Variants in TASP1 observed in about 807,000 individuals in gnomAD.
TASP1 encodes taspase 1, also known as threonine aspartase 1.
In TASP1, 16 loss-of-function variants were observed where a neutral mutation model predicts 56.6. The ratio of observed to expected loss-of-function variants is 0.28; its 90% CI spans 0.19 to 0.43. The LOEUF is 0.43. Among genes scored for constraint, TASP1 ranks in the 20% least tolerant of loss-of-function variants. TASP1 has a pLI of 1.00. For synonymous variants in TASP1, 179 were observed against 184.2 expected (o/e 0.97, Z 0.23); for missense variants, 393 against 511.6 (o/e 0.77, Z 2.24).
chr20:13,488,922 T>C (rs2043422308), intron 10 of TASP1, among the ~76,000 whole-genome samples: 1 of 152,092 alleles, frequency 6.6e-6, no homozygotes, highest in Admixed American at 6.6e-5. Context: ...TCAACTTACA[T>C]CCATCCCCTT....
intron 10 of TASP1, among the ~76,000 whole-genome samples, chr20:13,512,175 C>T (rs2044355743): frequency 6.6e-6 from 1 of 152,144 alleles, no homozygotes; most frequent in Admixed American, 6.5e-5. Flanking sequence ...CCTGAGGAAT[C>T]GCCACACTGT....
At chr20:13,161,298 G>T in the TASP1 span, among the ~76,000 whole-genome samples, 1 of 152,168 alleles carries the variant, frequency 6.6e-6, no homozygotes, top group Non-Finnish European at 1.5e-5. Context: ...TGGGGGAATA[G>T]AATGAGCTCA....
the TASP1 span, among the ~76,000 whole-genome samples, chr20:13,149,396 C>T: frequency 1.3e-5 from 2 of 152,184 alleles, no homozygotes; most frequent in Admixed American, 1.3e-4. Flanking sequence ...TCTCAAAGCC[C>T]AACATAATTA....
At chr20:13,393,052 G>A (rs2041353802) in intron 13 of TASP1, 7 of 592,854 alleles carry the variant, frequency 1.2e-5, no homozygotes, top group Non-Finnish European at 2.2e-5. Flanking sequence ...TGCCTCTGCT[G>A]AGGCCCCCAT....
intron 4 of TASP1, among the ~76,000 whole-genome samples, chr20:13,603,152 A>G (rs1373370724): frequency 2.0e-5 from 3 of 151,826 alleles, no homozygotes; most frequent in Non-Finnish European, 4.4e-5. Context: ...AATCGCTTGA[A>G]CCCGGAGGGT....
At chr20:13,187,374 C>T in the TASP1 span, among the ~76,000 whole-genome samples, 1 of 151,452 alleles carries the variant, frequency 6.6e-6, no homozygotes, top group African/African-American at 2.4e-5. Context: ...CTAGGAAGCT[C>T]AGAGAACACT....
the TASP1 span, among the ~76,000 whole-genome samples, chr20:13,347,561 A>G: frequency 6.6e-6 from 1 of 152,242 alleles, no homozygotes; most frequent in Non-Finnish European, 1.5e-5. Flanking sequence ...TTTATTGGCC[A>G]GGCACGGTGG....
chr20:13,469,989 A>G lies in TASP1; in HGVS notation c.985+13238T>C, dbSNP rs187136872. Among the ~76,000 whole-genome samples the G allele has an allele frequency of 4.2e-3, 629 of 151,510 alleles. 3 individuals are homozygous for G. Among genetic ancestry groups the G allele is most frequent in the Non-Finnish European group, 4.3e-3 (289 of 67,846 alleles). ...ATGCCTGGCTAATTCTTGTATTTTT[A>G]GTAGAGACGGGGTTTTCCCATGTTG... On this transcript the variant is annotated intron_variant, in intron 11 of 13. Transcript: ENST00000337743.
At chr20:13,623,408 C>T (rs1462449156) in intron 4 of TASP1, 38 bp downstream of exon 4, 2 of 1,549,708 alleles carry the variant, frequency 1.3e-6, no homozygotes, top group Non-Finnish European at 1.8e-6. Context: ...TAAAGATAAA[C>T]TCACAAATAT....
chr20:13,110,001 T>C, the TASP1 span: 1 of 813,150 alleles, frequency 1.2e-6, no homozygotes, highest in Admixed American at 3.0e-5. Context: ...CTGAATTTGT[T>C]CTCTGAAAGT....
the TASP1 span, among the ~76,000 whole-genome samples, chr20:13,268,263 T>C: frequency 6.6e-6 from 1 of 150,844 alleles, no homozygotes; most frequent in Non-Finnish European, 1.5e-5. Context: ...TCCTCTTCTC[T>C]TCTCTCTCGC....
intron 4 of TASP1, among the ~76,000 whole-genome samples, chr20:13,602,273 T>G (rs186609264): frequency 6.6e-6 from 1 of 152,016 alleles, no homozygotes; most frequent in Non-Finnish European, 1.5e-5. Context: ...CTCAAACAGG[T>G]TATGGTCACA....
the TASP1 span, among the ~76,000 whole-genome samples, chr20:13,353,013 G>T: frequency 6.6e-6 from 1 of 152,152 alleles, no homozygotes; most frequent in African/African-American, 2.4e-5. Flanking sequence ...AAGATGGGAG[G>T]ATTGCTTGAG....
chr20:13,321,275 A>AAAAAAT, the TASP1 span, among the ~76,000 whole-genome samples: 1 of 150,522 alleles, frequency 6.6e-6, no homozygotes, highest in African/African-American at 2.4e-5. Context: ...AAAAAAAAAA[A>AAAAAAT]AGATTTTATG....
intron 8 of TASP1, among the ~76,000 whole-genome samples, chr20:13,538,348 C>T (rs1455671087): frequency 6.6e-6 from 1 of 152,062 alleles, no homozygotes; most frequent in Non-Finnish European, 1.5e-5. Context: ...TTTCTTCTGT[C>T]CAGACTTACT....
chr20:13,237,460 C>T, the TASP1 span, among the ~76,000 whole-genome samples: 1 of 152,166 alleles, frequency 6.6e-6, no homozygotes, highest in Non-Finnish European at 1.5e-5. Flanking sequence ...GGAAACCAGG[C>T]ACAGTAAAGT....
the TASP1 span, among the ~76,000 whole-genome samples, chr20:13,250,327 G>A: frequency 6.6e-5 from 10 of 152,300 alleles, no homozygotes; most frequent in Admixed American, 5.2e-4. Flanking sequence ...CTTTCAGTTA[G>A]GAAACTCCTT....
chr20:13,513,503 G>C (rs564363012), intron 10 of TASP1, among the ~76,000 whole-genome samples: 18 of 152,054 alleles, frequency 1.2e-4, no homozygotes, highest in Admixed American at 2.6e-4. Flanking sequence ...CTCATCTCAG[G>C]CTTCACCACA....
chr20:13,318,879 G>C, the TASP1 span, among the ~76,000 whole-genome samples: 2 of 152,184 alleles, frequency 1.3e-5, no homozygotes, highest in Non-Finnish European at 2.9e-5. Flanking sequence ...AGAAGAGGAA[G>C]GGATAAATAG....
Sources: allele counts gnomAD v4.1 joint callset (sites outside exome capture counted in the v4.1 genomes callset), GRCh38; gene constraint gnomAD v4.1.1; transcripts MANE v1.5; gene names NCBI Gene and HGNC (gene_info 2026-07-23, HGNC 2026-07-21).